Variants in TRAF3IP1 observed in about 807,000 individuals in gnomAD.
TRAF3IP1 encodes TRAF3-interacting protein 1.
Under a neutral mutation model 89.9 loss-of-function variants are expected in TRAF3IP1, and 53 were observed. The ratio of observed to expected loss-of-function variants is 0.59; its 90% CI spans 0.47 to 0.74. TRAF3IP1 has a LOEUF of 0.74. TRAF3IP1 is among the 30% of genes least tolerant of loss of function. The pLI, the probability that TRAF3IP1 is intolerant of heterozygous loss-of-function variation, is 0.00. For missense variants in TRAF3IP1, 806 were observed against 866.1 expected (o/e 0.93, Z 0.87); for synonymous variants, 311 against 322.1 (o/e 0.97, Z 0.37).
chr2:238,380,301 G>A (rs1012917548), intron 15 of TRAF3IP1, among the ~76,000 whole-genome samples: 1 of 152,138 alleles, frequency 6.6e-6, no homozygotes, highest in Admixed American at 6.5e-5. Flanking sequence ...CAGGAGCCAC[G>A]TGGAGAAGCT....
At chr2:238,355,861 CAAAT>C (rs1699381067) in intron 14 of TRAF3IP1, 139 bp from the exon 15 acceptor site, 1 of 665,636 alleles carries the variant, frequency 1.5e-6, no homozygotes, top group African/African-American at 1.8e-5. Context: ...ATCTCCTTAA[CAAAT>C]AAAGATTATT....
intron 7 of TRAF3IP1, among the ~76,000 whole-genome samples, chr2:238,337,356 G>A (rs1675651401): frequency 6.6e-6 from 1 of 152,182 alleles, no homozygotes; most frequent in South Asian, 2.1e-4. Context: ...GAGGTGGGTG[G>A]AGAGAGGAAC....
chr2:238,320,940 G>T, intron 1 of TRAF3IP1, 155 bp downstream of exon 1: 1 of 528,354 alleles, frequency 1.9e-6, no homozygotes. Context: ...GCCCGGGCCG[G>T]GTGTGAACCG....
chr2:238,368,013 TGTTA>T (rs75434032), intron 15 of TRAF3IP1, among the ~76,000 whole-genome samples: 27,967 of 151,060 alleles, frequency 0.19, 3,092 homozygotes, highest in Non-Finnish European at 0.25. Flanking sequence ...TTTTAAAAAG[TGTTA>T]GTTAGTATTT....
At position 238,352,920 on chromosome 2, in the gene TRAF3IP1, T is replaced by C. The variant is rs546024386; in HGVS notation, c.1545T>C (p.Pro515=). The C allele has an allele frequency of 2.5e-5, 40 of 1,612,928 alleles. No homozygotes were observed. In the South Asian group the frequency reaches 4.4e-4, roughly 18 times the overall value. Residue 515 remains proline (P), a synonymous_variant, in exon 13 of 17, where the codon CCT becomes CCC. Coordinates refer to ENST00000373327, the MANE Select transcript of TRAF3IP1 (RefSeq NM_015650.4). ...EDDQFVVEAA[P]QLSEMSEIEM... ...ATCAATTTGTGGTGGAAGCTGCCCC[T>C]CAGCTCTCTGAAATGTCAGAAATTG...
chr2:238,348,393 T>C (rs527874675), intron 10 of TRAF3IP1, among the ~76,000 whole-genome samples: 3 of 152,312 alleles, frequency 2.0e-5, no homozygotes, highest in South Asian at 4.1e-4. Flanking sequence ...TAGTTACTGA[T>C]TGATTGTCAG....
At chr2:238,320,807 C>T (rs1197239646) in intron 1 of TRAF3IP1, 22 bp downstream of exon 1, 17 of 1,385,622 alleles carry the variant, frequency 1.2e-5, no homozygotes, top group African/African-American at 1.5e-5. Flanking sequence ...GGACCGGGCC[C>T]GGCCAGGTGC....
At position 238,348,800 on chromosome 2, in the gene TRAF3IP1, A is replaced by AG. The variant is rs1559369126; in HGVS notation, c.1321dup (p.Val441GlyfsTer9). ...GGACCTGCTGGCCAAGATAAGTCTG[A>AG]GGTGCCAGAGACTCCAGAAATTCCT... On this transcript the variant is annotated frameshift_variant, in exon 11 of 17. Transcript: ENST00000373327. LOFTEE classifies it high-confidence loss of function. 6.2e-7 allele frequency: 1 copy of AG among 1,614,156 alleles called. No individual in the cohort carries two copies. The highest frequency in any genetic ancestry group is 8.5e-7 in the Non-Finnish European group (1 of 1,180,010).
rs2106363863 is a variant in TRAF3IP1 at position 238,329,014 on chromosome 2, A to G, written c.587A>G (p.Glu196Gly). 6 of 1,551,822 alleles carry G rather than the reference A, an allele frequency of 3.9e-6. 1 individual carries two copies. The highest frequency in any genetic ancestry group is 2.4e-5 in the South Asian group (2 of 84,120). The change falls in exon 5 of 17, where the codon GAA becomes GGA. Residue 196 changes from glutamate to glycine, a missense_variant. By Grantham distance (98) the Glu-to-Gly change is moderately conservative. This residue lies in a region of TRAF3IP1 where 732 missense variants were observed against 780.5 expected (regional missense o/e 0.94). Coordinates refer to ENST00000373327, the MANE Select transcript of TRAF3IP1 (RefSeq NM_015650.4). The part of the protein sequence containing the change: ...EELKEDRKPR[E>G]KDKDKEKAKE... ...TTGAAAGAAGACCGCAAGCCAAGAG[A>G]AAAGGACAAGGACAAGGAGAAGGCC... is the stretch of plus-strand genomic sequence containing the variant.
intron 5 of TRAF3IP1, among the ~76,000 whole-genome samples, chr2:238,331,299 T>TAAAAAA (rs61126298): frequency 8.3e-6 from 1 of 120,050 alleles, no homozygotes. Context: ...CCATCTCTAC[T>TAAAAAA]AAAAAAAAAA....
chr2:238,350,990 G>A (rs189013570), intron 12 of TRAF3IP1, among the ~76,000 whole-genome samples: 3 of 152,260 alleles, frequency 2.0e-5, no homozygotes, highest in Non-Finnish European at 4.4e-5. Context: ...AGGTCAGGAG[G>A]AGGCATTAGG....
At chr2:238,325,696 A>G (rs1697790579) in intron 2 of TRAF3IP1, 113 bp from the exon 3 acceptor site, 2 of 1,097,252 alleles carry the variant, frequency 1.8e-6, no homozygotes. Flanking sequence ...TTATATATCT[A>G]AAAACAGCTT....
At chr2:238,334,948 A>T (rs1204047821) in intron 7 of TRAF3IP1, among the ~76,000 whole-genome samples, 2 of 152,324 alleles carry the variant, frequency 1.3e-5, no homozygotes, top group African/African-American at 2.4e-5. Context: ...TGATGGACGA[A>T]AAACAAAAAC....
chr2:238,385,177 G>A (rs994414803), intron 15 of TRAF3IP1, among the ~76,000 whole-genome samples: 22 of 151,984 alleles, frequency 1.4e-4, no homozygotes, highest in African/African-American at 5.1e-4. Flanking sequence ...CACCACGCCC[G>A]GCTAATTTTT....
Position 238,325,868 on chromosome 2 carries a change from G to A in TRAF3IP1, c.252G>A (p.Ser84=), listed in dbSNP as rs369712115. Residue 84 remains serine, a synonymous_variant, in exon 3 of 17, where the codon TCG becomes TCA. Transcript: ENST00000373327. The part of the protein sequence containing the change: ...QKAIDVVVMV[S]GEPLLAKPAR... Reference sequence around the variant, plus strand: ...CCATAGACGTGGTTGTAATGGTGTCGGGAGAGCCACTGTTGGCCAAACCAG... The same window carrying A: ...CCATAGACGTGGTTGTAATGGTGTCAGGAGAGCCACTGTTGGCCAAACCAG... 1.4e-4 allele frequency: 218 copies of A among 1,614,074 alleles called. No homozygotes were observed. Among genetic ancestry groups the A allele is most frequent in the Non-Finnish European group, 1.7e-4 (198 of 1,180,038 alleles).
intron 8 of TRAF3IP1, among the ~76,000 whole-genome samples, chr2:238,343,713 C>T (rs1037361599): frequency 1.4e-5 from 2 of 143,770 alleles, no homozygotes; most frequent in African/African-American, 5.2e-5. Context: ...AGTGCAGTGG[C>T]GTGATCACAG....
At chr2:238,362,421 GGGTCAGTCTAGA>G (rs1446928572) in intron 15 of TRAF3IP1, among the ~76,000 whole-genome samples, 1 of 152,154 alleles carries the variant, frequency 6.6e-6, no homozygotes, top group Non-Finnish European at 1.5e-5. Context: ...TTTATCTCAT[GGGTCAGTCTAGA>G]GGTAGCCATC....
intron 15 of TRAF3IP1, among the ~76,000 whole-genome samples, chr2:238,364,369 AAACTTTGTT>A (rs1699786284): frequency 6.6e-6 from 1 of 151,588 alleles, no homozygotes; most frequent in Non-Finnish European, 1.5e-5. Context: ...GAGGAAATAT[AAACTTTGTT>A]AATAGTAAGA....
intron 5 of TRAF3IP1, among the ~76,000 whole-genome samples, chr2:238,331,167 T>A (rs1239135679): frequency 1.3e-5 from 2 of 151,682 alleles, no homozygotes; most frequent in African/African-American, 4.8e-5. Flanking sequence ...CCAAAGAAAT[T>A]CTTAGAGGCT....
Sources: gnomAD v4.1 joint callset for allele counts (sites outside exome capture counted in the v4.1 genomes callset) on GRCh38, gnomAD v4.1.1 for gene constraint, gnomAD v4.1.1 regional missense constraint, MANE v1.5 for transcripts, NCBI Gene and HGNC (gene_info 2026-07-23, HGNC 2026-07-21) for gene names.